PTPRD: variants seen among roughly 807,000 people sequenced by gnomAD.
PTPRD encodes protein tyrosine phosphatase receptor type D.
PTPRD carries 34 observed loss-of-function variants against 214.5 expected under a neutral mutation model. That is an observed-to-expected ratio of 0.16 (90% CI 0.12 to 0.21). The LOEUF (loss-of-function observed/expected upper bound fraction) is 0.21. Ranked by LOEUF, PTPRD falls within the 10% of genes least tolerant of loss-of-function variation. The pLI is 1.00. For missense variants in PTPRD, 2,545 were observed against 2,398.7 expected, an observed-to-expected ratio of 1.06 and a Z score of -1.27; for synonymous variants, 1,128 against 845.7, an observed-to-expected ratio of 1.33 and a Z score of -5.79.
chr9:10,608,939 C>G (rs1295794001), intron 2 of PTPRD, among the ~76,000 whole-genome samples: 1 of 151,838 alleles, frequency 6.6e-6, no homozygotes, highest in Admixed American at 6.6e-5. Context: ...AACAGTGAAC[C>G]GACAGTAGTG....
chr9:10,303,264 G>C (rs916668245), intron 3 of PTPRD, among the ~76,000 whole-genome samples: 3 of 152,306 alleles, frequency 2.0e-5, no homozygotes, highest in African/African-American at 7.2e-5. Context: ...TTAAAGCAGT[G>C]TTTAGGGGAA....
chr9:10,187,071 TG>T (rs2099336636), intron 3 of PTPRD, among the ~76,000 whole-genome samples: 1 of 152,184 alleles, frequency 6.6e-6, no homozygotes, highest in African/African-American at 2.4e-5. Context: ...AATTCTAACA[TG>T]TTTTATTCAA....
chr9:9,286,899 T>C (rs1478313037), intron 9 of PTPRD, among the ~76,000 whole-genome samples: 2 of 23,764 alleles, frequency 8.4e-5, no homozygotes, highest in East Asian at 4.0e-3. Flanking sequence ...TATATATATA[T>C]ATATATATAT....
At chr9:9,551,287 G>A (rs79258816) in intron 8 of PTPRD, among the ~76,000 whole-genome samples, 1,980 of 151,884 alleles carry the variant, frequency 0.013, 48 homozygotes, top group African/African-American at 0.045. Context: ...GCTGACAAAC[G>A]GAGGTCAAAA....
intron 3 of PTPRD, among the ~76,000 whole-genome samples, chr9:10,114,835 G>C (rs2098717720): frequency 6.6e-6 from 1 of 151,886 alleles, no homozygotes; most frequent in Non-Finnish European, 1.5e-5. Flanking sequence ...TCATGTTATA[G>C]TCCCAACTTT....
At chr9:8,748,437 G>A (rs368058198) in intron 11 of PTPRD, among the ~76,000 whole-genome samples, 16 of 144,212 alleles carry the variant, frequency 1.1e-4, no homozygotes, top group African/African-American at 3.6e-4. Flanking sequence ...CATTCGAGCC[G>A]GCAACAGCAA....
At chr9:10,425,668 TG>T (rs755888489) in intron 2 of PTPRD, among the ~76,000 whole-genome samples, 9 of 151,992 alleles carry the variant, frequency 5.9e-5, no homozygotes, top group Non-Finnish European at 1.3e-4. Context: ...TCTGTTGAGA[TG>T]TTCATCAGAT....
At chr9:8,795,516 G>A (rs535136960) in intron 11 of PTPRD, among the ~76,000 whole-genome samples, 1 of 152,260 alleles carries the variant, frequency 6.6e-6, no homozygotes, top group African/African-American at 2.4e-5. Context: ...AAGAAAGTAT[G>A]ATGGAGAATT....
chr9:9,370,563 A>T (rs2059182342), intron 9 of PTPRD, among the ~76,000 whole-genome samples: 1 of 151,596 alleles, frequency 6.6e-6, no homozygotes, highest in South Asian at 2.1e-4. Flanking sequence ...GCAAACAGGG[A>T]CAATTTGACT....
chr9:10,002,628 A>G (rs911683900), intron 4 of PTPRD, among the ~76,000 whole-genome samples: 2 of 151,374 alleles, frequency 1.3e-5, no homozygotes, highest in Non-Finnish European at 3.0e-5. Flanking sequence ...GTCACTCTTT[A>G]AGGAAGACAT....
chr9:9,827,515 A>T (rs2053346747), intron 5 of PTPRD, among the ~76,000 whole-genome samples: 1 of 152,190 alleles, frequency 6.6e-6, no homozygotes. Flanking sequence ...TTCAAGATGG[A>T]TTAAAGACTT....
intron 2 of PTPRD, among the ~76,000 whole-genome samples, chr9:10,463,274 T>C (rs1317455843): frequency 6.6e-6 from 1 of 152,076 alleles, no homozygotes; most frequent in East Asian, 1.9e-4. Flanking sequence ...ATTTGAGAAG[T>C]GATTGGGAGA....
Position 8,651,961 on chromosome 9 carries a change from C to G in PTPRD, c.65-15117G>C, listed in dbSNP as rs143198654. ...TTTGTATCCCCAGGCAGTGCAGACC[C>G]TGGTAGCAGCTCATTTCAGTGCCGA... On this transcript the variant is annotated intron_variant, in intron 12 of 45. Coordinates refer to ENST00000381196, the MANE Select transcript of PTPRD (RefSeq NM_002839.4). Among the ~76,000 whole-genome samples the G allele has an allele frequency of 2.4e-3, 360 of 152,296 alleles. 1 individual carries two copies. The highest frequency in any genetic ancestry group is 4.1e-3 in the Non-Finnish European group (282 of 68,028).
chr9:8,972,678 C>A (rs142944413), intron 11 of PTPRD, among the ~76,000 whole-genome samples: 25 of 151,950 alleles, frequency 1.6e-4, no homozygotes, highest in Middle Eastern at 3.4e-3. Flanking sequence ...AAAGGATTTC[C>A]TTTTTCAGTA....
chr9:9,609,502 G>A (rs1331771427), intron 7 of PTPRD, among the ~76,000 whole-genome samples: 12 of 152,190 alleles, frequency 7.9e-5, no homozygotes, highest in Admixed American at 7.2e-4. Context: ...TCGCTCTGTA[G>A]CCCAGGGTAG....
intron 11 of PTPRD, among the ~76,000 whole-genome samples, chr9:8,745,904 C>G (rs1228137285): frequency 6.6e-6 from 1 of 152,006 alleles, no homozygotes; most frequent in Non-Finnish European, 1.5e-5. Flanking sequence ...CTCAAGCTAT[C>G]CTCCCGCCTC....
intron 3 of PTPRD, among the ~76,000 whole-genome samples, chr9:10,194,341 TATATAGAGAGAGAGAGAGAGAGAGAG>T (rs1335357921): frequency 0.043 from 2,519 of 58,782 alleles, 30 homozygotes; most frequent in Admixed American, 0.077. Flanking sequence ...TATATATATA[TATATAGAGAGAGAGAGAGAGAGAGAG>T]AGAGAGAGAG....
chr9:8,415,045 G>A lies in PTPRD; in HGVS notation c.4087-10385C>T, dbSNP rs865942931. 2.0e-5 allele frequency among the ~76,000 whole-genome samples: 3 copies of A among 151,500 alleles called. No individual in the cohort carries two copies. The East Asian group carries it at 5.8e-4, about 29-fold the overall frequency. On this transcript the variant is annotated intron_variant, in intron 35 of 45. Transcript: ENST00000381196. Reference sequence around the variant, plus strand: ...AAACTATCACATGGATAGGTGGGTGGGAAAAAGTAAAGAGAAATTTCTGCA... The same window carrying A: ...AAACTATCACATGGATAGGTGGGTGAGAAAAAGTAAAGAGAAATTTCTGCA...
intron 2 of PTPRD, among the ~76,000 whole-genome samples, chr9:10,447,946 C>G (rs73408162): frequency 0.024 from 3,694 of 152,008 alleles, 163 homozygotes; most frequent in African/African-American, 0.076. Context: ...ATCATACTGT[C>G]TAACAGTTTG....
Sources: allele counts gnomAD v4.1 joint callset (sites outside exome capture counted in the v4.1 genomes callset), GRCh38; gene constraint gnomAD v4.1.1; transcripts MANE v1.5; gene names NCBI Gene and HGNC (gene_info 2026-07-23, HGNC 2026-07-21).